CNTN5: variants seen among roughly 807,000 people sequenced by gnomAD.
CNTN5 encodes contactin-5.
In CNTN5, 77 loss-of-function variants were observed where a neutral mutation model predicts 129.1. The ratio of observed to expected loss-of-function variants is 0.60; its 90% CI spans 0.50 to 0.72. The LOEUF (loss-of-function observed/expected upper bound fraction) is 0.72, where lower values mean the gene tolerates loss of function less well. Among genes scored for constraint, CNTN5 ranks in the 30% least tolerant of loss-of-function variants. The pLI is 0.00. For synonymous variants in CNTN5, 509 were observed against 465.6 expected, an observed-to-expected ratio of 1.09 and a Z score of -1.20; for missense variants, 1,478 against 1,328.8, an observed-to-expected ratio of 1.11 and a Z score of -1.75.
At chr11:99,584,105 C>T (rs557903826) in intron 3 of CNTN5, among the ~76,000 whole-genome samples, 1 of 152,248 alleles carries the variant, frequency 6.6e-6, no homozygotes, top group South Asian at 2.1e-4. Flanking sequence ...GATTTCTCTA[C>T]CAAATGTTCT....
At chr11:99,769,448 T>A (rs530135895) in intron 3 of CNTN5, among the ~76,000 whole-genome samples, 1 of 152,152 alleles carries the variant, frequency 6.6e-6, no homozygotes, top group African/African-American at 2.4e-5. Flanking sequence ...TTCAGTGATA[T>A]ATGGTTTTTC....
chr11:99,637,736 T>C (rs1951617145), intron 3 of CNTN5, among the ~76,000 whole-genome samples: 1 of 151,834 alleles, frequency 6.6e-6, no homozygotes, highest in South Asian at 2.1e-4. Flanking sequence ...TTAACTATTA[T>C]ATCAGTCTTG....
intron 10 of CNTN5, among the ~76,000 whole-genome samples, chr11:100,068,442 A>C (rs1158474736): frequency 6.6e-6 from 1 of 152,158 alleles, no homozygotes; most frequent in Non-Finnish European, 1.5e-5. Context: ...AGAACACTCT[A>C]TGTAGAGTGA....
chr11:100,337,069 C>A, intron 21 of CNTN5: 3 of 1,272,804 alleles, frequency 2.4e-6, no homozygotes, highest in East Asian at 2.3e-5. Flanking sequence ...TGAGATTTCA[C>A]AAATCACTCT....
chr11:100,106,631 T>C (rs1252975580), intron 13 of CNTN5, among the ~76,000 whole-genome samples: 2 of 151,810 alleles, frequency 1.3e-5, no homozygotes, highest in East Asian at 3.9e-4. Context: ...ATTATATAAA[T>C]GAAAAAAATA....
intron 13 of CNTN5, among the ~76,000 whole-genome samples, chr11:100,160,498 T>C (rs2138357157): frequency 6.6e-6 from 1 of 152,080 alleles, no homozygotes; most frequent in South Asian, 2.1e-4. Context: ...GAAAGATGAT[T>C]GTTTATGATT....
intron 2 of CNTN5, among the ~76,000 whole-genome samples, chr11:99,329,910 C>A (rs1865930957): frequency 9.6e-6 from 1 of 103,910 alleles, no homozygotes; most frequent in Non-Finnish European, 1.9e-5. Flanking sequence ...CATATACAAG[C>A]AGTGACACAC....
chr11:99,558,229 G>T, intron 3 of CNTN5: 2 of 382,416 alleles, frequency 5.2e-6, no homozygotes, highest in Non-Finnish European at 5.2e-6. Flanking sequence ...TGTCTTCCCT[G>T]CTGATCTCAG....
intron 1 of CNTN5, among the ~76,000 whole-genome samples, chr11:99,321,739 T>G (rs113934062): frequency 2.6e-5 from 4 of 152,146 alleles, no homozygotes; most frequent in African/African-American, 7.2e-5. Context: ...TAATATCATA[T>G]TGGTGAAGGG....
rs547130904 is a variant in CNTN5, at chr11:99,487,455, A to C, written c.-70-68690A>C. Reference sequence around the variant, plus strand: ...TCTGATGCCAAGATCTTATCAGTGCATAAATGTTGGATGAGAGTAGGGATG... The same window carrying C: ...TCTGATGCCAAGATCTTATCAGTGCCTAAATGTTGGATGAGAGTAGGGATG... On this transcript the variant is annotated intron_variant, in intron 2 of 24. Transcript: ENST00000524871. Among the ~76,000 whole-genome samples the C allele has an allele frequency of 3.9e-5, 6 of 152,340 alleles. No homozygotes were observed. The East Asian group carries it at 9.6e-4, about 24-fold the overall frequency.
At chr11:99,743,922 A>C (rs562542682) in intron 3 of CNTN5, among the ~76,000 whole-genome samples, 1 of 152,304 alleles carries the variant, frequency 6.6e-6, no homozygotes, top group African/African-American at 2.4e-5. Flanking sequence ...AGTTATTCAG[A>C]AGCAGTAAAT....
intron 2 of CNTN5, among the ~76,000 whole-genome samples, chr11:99,453,444 T>C (rs2726395): frequency 0.49 from 75,126 of 151,978 alleles, 19,188 homozygotes; most frequent in East Asian, 0.65. Context: ...AGATGAATAT[T>C]TGCTTTAGGG....
At chr11:100,276,381 A>T (rs182948226) in intron 18 of CNTN5, among the ~76,000 whole-genome samples, 2 of 152,212 alleles carry the variant, frequency 1.3e-5, no homozygotes, top group East Asian at 3.9e-4. Context: ...TCTGCTAAAC[A>T]TATAAAAATC....
At chr11:100,006,978 T>C (rs1221161367) in intron 9 of CNTN5, among the ~76,000 whole-genome samples, 1 of 152,104 alleles carries the variant, frequency 6.6e-6, no homozygotes, top group Non-Finnish European at 1.5e-5. Context: ...AACATTAATA[T>C]TGCTCATCTA....
chr11:99,939,633 A>G (rs891019174), intron 7 of CNTN5, among the ~76,000 whole-genome samples: 1 of 151,940 alleles, frequency 6.6e-6, no homozygotes, highest in Non-Finnish European at 1.5e-5. Context: ...TATTTTTTTA[A>G]TTATTTTGAT....
chr11:100,321,600 C>A (rs567449217), intron 21 of CNTN5, among the ~76,000 whole-genome samples: 1 of 152,076 alleles, frequency 6.6e-6, no homozygotes, highest in East Asian at 1.9e-4. Context: ...AGAGAAGTGG[C>A]AAGAGTATGC....
intron 1 of CNTN5, among the ~76,000 whole-genome samples, chr11:99,292,608 C>G (rs1051774471): frequency 6.6e-6 from 1 of 152,086 alleles, no homozygotes; most frequent in Non-Finnish European, 1.5e-5. Flanking sequence ...CACTTAATCC[C>G]CACTGAGTGT....
At chr11:99,577,678 G>A (rs1009757716) in intron 3 of CNTN5, among the ~76,000 whole-genome samples, 1 of 151,898 alleles carries the variant, frequency 6.6e-6, no homozygotes, top group African/African-American at 2.4e-5. Context: ...AGAGTTTGTG[G>A]GACTATCACA....
intron 1 of CNTN5, among the ~76,000 whole-genome samples, chr11:99,319,311 C>A (rs1388955894): frequency 6.6e-6 from 1 of 152,192 alleles, no homozygotes; most frequent in East Asian, 1.9e-4. Flanking sequence ...CCACATGACT[C>A]AACTGATCTC....
Sources: allele counts gnomAD v4.1 joint callset (sites outside exome capture counted in the v4.1 genomes callset), GRCh38; gene constraint gnomAD v4.1.1; transcripts MANE v1.5; gene names NCBI Gene and HGNC (gene_info 2026-07-23, HGNC 2026-07-21).